Variants in PDS5B observed in about 807,000 individuals in gnomAD.
PDS5B encodes the protein PDS5 cohesin associated factor B.
A neutral mutation model predicts 184.1 loss-of-function variants in PDS5B; 51 were observed. That is an observed-to-expected ratio of 0.28 (90% CI 0.22 to 0.35). The LOEUF (loss-of-function observed/expected upper bound fraction) is 0.35. PDS5B is among the 10% of genes least tolerant of loss of function. The probability of loss-of-function intolerance (pLI) is 1.00; values close to 1 mark genes in which losing one functional copy is unlikely to be tolerated. For synonymous variants in PDS5B, 566 were observed against 569.2 expected (o/e 0.99, Z 0.08); for missense variants, 1,180 against 1,723.3 (o/e 0.68, Z 5.58).
At chr13:32,607,438 G>A (rs1056939976) in intron 1 of PDS5B, among the ~76,000 whole-genome samples, 2 of 152,208 alleles carry the variant, frequency 1.3e-5, no homozygotes, top group African/African-American at 2.4e-5. Context: ...TCTCAGAGGG[G>A]CACCTGGCTG....
intron 19 of PDS5B, among the ~76,000 whole-genome samples, chr13:32,722,025 T>C (rs1402421024): frequency 2.0e-5 from 3 of 152,170 alleles, no homozygotes; most frequent in Admixed American, 1.3e-4. Context: ...GTGGAGGTTG[T>C]AGCGAGCCGA....
intron 3 of PDS5B, among the ~76,000 whole-genome samples, chr13:32,654,910 T>G (rs977760674): frequency 2.6e-5 from 4 of 152,202 alleles, no homozygotes; most frequent in Admixed American, 2.0e-4. Context: ...TGAAATATTT[T>G]CTTTATCCAT....
chr13:32,734,338 C>T (rs1167297407), intron 20 of PDS5B, among the ~76,000 whole-genome samples: 1 of 152,062 alleles, frequency 6.6e-6, no homozygotes, highest in Non-Finnish European at 1.5e-5. Flanking sequence ...CCGGCCTTAA[C>T]AATATATTTC....
At chr13:32,649,670 G>C (rs1045227560) in intron 2 of PDS5B, 12 of 152,096 alleles carry the variant, frequency 7.9e-5, no homozygotes, top group Non-Finnish European at 1.6e-4. Context: ...TTGCTACATG[G>C]TGTATAGAAT....
chr13:32,768,976 C>T (rs977079539), intron 31 of PDS5B, among the ~76,000 whole-genome samples: 49 of 146,478 alleles, frequency 3.3e-4, no homozygotes, highest in Non-Finnish European at 1.0e-4. Context: ...AAAAATTAGC[C>T]AGGCGTGGTT....
At chr13:32,624,960 G>T (rs2058349339) in intron 1 of PDS5B, among the ~76,000 whole-genome samples, 1 of 152,082 alleles carries the variant, frequency 6.6e-6, no homozygotes, top group Admixed American at 6.5e-5. Context: ...GTGTCGGTAG[G>T]TTCTGGTAGA....
At chr13:32,608,124 G>A (rs1169966962) in intron 1 of PDS5B, among the ~76,000 whole-genome samples, 2 of 152,162 alleles carry the variant, frequency 1.3e-5, no homozygotes, top group East Asian at 1.9e-4. Context: ...GTTCTGCGTC[G>A]CTCATGCTGG....
intron 1 of PDS5B, among the ~76,000 whole-genome samples, chr13:32,594,883 A>G (rs1421424704): frequency 6.6e-6 from 1 of 152,136 alleles, no homozygotes; most frequent in Non-Finnish European, 1.5e-5. Flanking sequence ...TCGTTTTGAT[A>G]TAGTTGCTTT....
At chr13:32,666,927 C>T (rs1228660194) in intron 6 of PDS5B, among the ~76,000 whole-genome samples, 2 of 151,950 alleles carry the variant, frequency 1.3e-5, no homozygotes, top group African/African-American at 4.8e-5. Context: ...AATTACTTCT[C>T]ATTTACACAA....
In PDS5B at chr13:32,679,651, A is replaced by AAT. The variant is rs1437201249; in HGVS notation, c.1057+723_1057+724insTA. On this transcript the variant is annotated intron_variant, in intron 10 of 34. Coordinates refer to ENST00000315596, the MANE Select transcript of PDS5B (RefSeq NM_015032.4). ...AACTCTTTATCTCAAAAAAAAAAAA[A>AAT]AAATAAATAAATAAATGAATAAAAC... is the stretch of plus-strand genomic sequence containing the variant. Among the ~76,000 whole-genome samples, 99 of 151,182 alleles carry AAT rather than the reference A, an allele frequency of 6.5e-4. No homozygotes were observed. In the South Asian group the frequency reaches 0.015, roughly 22 times the overall value.
chr13:32,645,757 T>TA (rs149250002), intron 1 of PDS5B, among the ~76,000 whole-genome samples: 310 of 152,314 alleles, frequency 2.0e-3, no homozygotes, highest in African/African-American at 7.3e-3. Context: ...GTGTAAAACT[T>TA]ATGTCTTTAG....
chr13:32,699,358 A>G (rs1409043607), intron 15 of PDS5B, among the ~76,000 whole-genome samples: 3 of 152,202 alleles, frequency 2.0e-5, no homozygotes, highest in African/African-American at 4.8e-5. Flanking sequence ...TAAAGGTAAA[A>G]CTTAGTGATT....
intron 1 of PDS5B, among the ~76,000 whole-genome samples, chr13:32,630,662 G>A (rs1355660515): frequency 1.3e-5 from 2 of 152,132 alleles, no homozygotes; most frequent in African/African-American, 2.4e-5. Flanking sequence ...GCCTCACTCT[G>A]TCTTGAGTAT....
chr13:32,665,585 A>T (rs1234423910), intron 6 of PDS5B, among the ~76,000 whole-genome samples: 1 of 106,130 alleles, frequency 9.4e-6, no homozygotes, highest in Non-Finnish European at 1.9e-5. Flanking sequence ...CGAGACTCCG[A>T]CTCAAAAAAA....
At chr13:32,761,358 C>A (rs1340556830) in intron 30 of PDS5B, among the ~76,000 whole-genome samples, 4 of 151,276 alleles carry the variant, frequency 2.6e-5, no homozygotes, top group African/African-American at 9.7e-5. Flanking sequence ...TTTTTAAATT[C>A]AACTTTTATT....
intron 1 of PDS5B, among the ~76,000 whole-genome samples, chr13:32,597,831 G>A (rs186014861): frequency 6.7e-6 from 1 of 149,324 alleles, no homozygotes; most frequent in African/African-American, 2.5e-5. Flanking sequence ...TGGCGACAGC[G>A]AGACTCTGTC....
At chr13:32,747,828 A>C (rs1454543045) in intron 24 of PDS5B, among the ~76,000 whole-genome samples, 1 of 152,184 alleles carries the variant, frequency 6.6e-6, no homozygotes, top group Non-Finnish European at 1.5e-5. Context: ...TGAAGTGGAA[A>C]TATTTAAAAA....
intron 19 of PDS5B, among the ~76,000 whole-genome samples, chr13:32,713,631 A>G (rs1418343061): frequency 1.3e-5 from 2 of 152,224 alleles, no homozygotes; most frequent in Non-Finnish European, 2.9e-5. Flanking sequence ...TGCATAGAAT[A>G]TAGAGAAATT....
intron 1 of PDS5B, among the ~76,000 whole-genome samples, chr13:32,640,435 C>T (rs1441171875): frequency 6.6e-6 from 1 of 151,898 alleles, no homozygotes; most frequent in Non-Finnish European, 1.5e-5. Flanking sequence ...TTAGTAGAGA[C>T]GGGGTTTCGC....
Sources: gnomAD v4.1 joint callset for allele counts (sites outside exome capture counted in the v4.1 genomes callset) on GRCh38, gnomAD v4.1.1 for gene constraint, MANE v1.5 for transcripts, NCBI Gene and HGNC (gene_info 2026-07-23, HGNC 2026-07-21) for gene names.